Variants in LIPK observed in about 807,000 individuals in gnomAD.
The protein encoded by LIPK is lipase member K.
Under a neutral mutation model 48.6 loss-of-function variants are expected in LIPK, and 32 were observed. The observed-to-expected ratio is 0.66, with a 90% CI of 0.50 to 0.88. LIPK has a LOEUF of 0.88. LIPK is among the 40% of genes least tolerant of loss of function. The pLI, the probability that LIPK is intolerant of heterozygous loss-of-function variation, is 0.00. For synonymous variants in LIPK, 164 were observed against 157.4 expected (o/e 1.04, Z -0.32); for missense variants, 507 against 478.5 (o/e 1.06, Z -0.56).
chr10:88,723,948 C>T (rs539648199), intron 1 of LIPK, among the ~76,000 whole-genome samples: 11 of 152,096 alleles, frequency 7.2e-5, no homozygotes, highest in Admixed American at 3.3e-4. Context: ...GGTCAACAGT[C>T]TCTTACTTTG....
At chr10:88,719,438 T>C (rs1211085710) in intron 1 of LIPK, among the ~76,000 whole-genome samples, 1 of 152,202 alleles carries the variant, frequency 6.6e-6, no homozygotes, top group Non-Finnish European at 1.5e-5. Context: ...CCAGTTTTGC[T>C]CCCTGCAGTT....
At chr10:88,735,212 T>G (rs1223415814) in intron 6 of LIPK, among the ~76,000 whole-genome samples, 1 of 152,218 alleles carries the variant, frequency 6.6e-6, no homozygotes, top group African/African-American at 2.4e-5. Flanking sequence ...GTTCGTCAAG[T>G]TGAGAAATTC....
intron 3 of LIPK, among the ~76,000 whole-genome samples, chr10:88,729,966 T>G (rs1395231588): frequency 6.6e-6 from 1 of 152,220 alleles, no homozygotes; most frequent in Non-Finnish European, 1.5e-5. Flanking sequence ...TTTTCCTTTC[T>G]CTTTTTTAGT....
At chr10:88,726,352 G>A (rs76105159) in intron 2 of LIPK, among the ~76,000 whole-genome samples, 2,063 of 152,240 alleles carry the variant, frequency 0.014, 49 homozygotes, top group African/African-American at 0.045. Context: ...ATTACATGCC[G>A]TCACGGCACA....
chr10:88,710,243 A>C (rs34764044), intron 1 of LIPK, among the ~76,000 whole-genome samples: 8,514 of 152,208 alleles, frequency 0.056, 317 homozygotes, highest in African/African-American at 0.11. Flanking sequence ...TCCCTCTCCA[A>C]GTTGAGAATT....
chr10:88,722,317 C>T (rs903875023), intron 1 of LIPK, among the ~76,000 whole-genome samples: 1 of 152,152 alleles, frequency 6.6e-6, no homozygotes, highest in African/African-American at 2.4e-5. Context: ...GATTAAATAA[C>T]ATATTCATGT....
intron 8 of LIPK, among the ~76,000 whole-genome samples, chr10:88,741,232 C>G (rs1842674987): frequency 6.6e-6 from 1 of 151,658 alleles, no homozygotes. Flanking sequence ...GACAGGGTCT[C>G]AAAAAAAAGC....
intron 9 of LIPK, among the ~76,000 whole-genome samples, chr10:88,750,791 C>G (rs1184459107): frequency 2.0e-5 from 3 of 152,034 alleles, no homozygotes; most frequent in Non-Finnish European, 4.4e-5. Flanking sequence ...CATGTACCCC[C>G]TGAATCTAAA....
chr10:88,737,157 AT>A (rs1411929986), intron 6 of LIPK, among the ~76,000 whole-genome samples: 1 of 152,178 alleles, frequency 6.6e-6, no homozygotes, highest in Non-Finnish European at 1.5e-5. Flanking sequence ...AATTACATTA[AT>A]TTATACTTTA....
chr10:88,733,195 C>T (rs1214179646), intron 6 of LIPK, among the ~76,000 whole-genome samples: 1 of 152,224 alleles, frequency 6.6e-6, no homozygotes. Context: ...TGACACTTTA[C>T]AGGCTGTCAT....
In LIPK at chr10:88,740,006, ATGTTT is replaced by A. The variant is rs1210670944; in HGVS notation, c.828_832del (p.Asp276GlufsTer22). ...GTAATCTCTTTGCAGAGTCGCTTGG[ATGTTT>A]ATTTGTCACACAATCCTGCGGGAAC... On this transcript the variant is annotated frameshift_variant, in exon 8 of 10. Transcript: ENST00000404190. LOFTEE classifies it high-confidence loss of function. 1 of 1,403,224 alleles carries A rather than the reference ATGTTT, an allele frequency of 7.1e-7. No homozygotes were observed. The highest frequency in any genetic ancestry group is 1.4e-5 in the African/African-American group (1 of 69,950). The allele number at this position is 1,403,224 out of a possible 1,614,324, so 86.9% of individuals were successfully genotyped here.
intron 1 of LIPK, among the ~76,000 whole-genome samples, chr10:88,710,929 T>C (rs551329931): frequency 9.2e-5 from 14 of 152,286 alleles, no homozygotes; most frequent in South Asian, 2.1e-4. Context: ...ATCATCAATA[T>C]ATGGAAAGGT....
intron 9 of LIPK, among the ~76,000 whole-genome samples, chr10:88,749,911 A>G (rs1842835705): frequency 6.6e-6 from 1 of 152,210 alleles, no homozygotes; most frequent in South Asian, 2.1e-4. Flanking sequence ...TGCATTTGAC[A>G]AAGATCTAAT....
intron 3 of LIPK, chr10:88,728,864 G>T: frequency 5.6e-6 from 1 of 178,144 alleles, no homozygotes; most frequent in South Asian, 1.2e-4. Flanking sequence ...GAAGAAGATT[G>T]ACCCCTGCAA....
At chr10:88,728,558 A>G in intron 3 of LIPK, 1 of 432,500 alleles carries the variant, frequency 2.3e-6, no homozygotes, top group South Asian at 1.8e-5. Context: ...AGCGGACCAA[A>G]CAGGAGAGGG....
At chr10:88,728,947 C>A in intron 3 of LIPK, 1 of 165,372 alleles carries the variant, frequency 6.0e-6, no homozygotes, top group African/African-American at 2.4e-5. Context: ...TTAGCTTACC[C>A]TTCCTGTGGC....
chr10:88,741,181 A>G (rs1842674054), intron 8 of LIPK, among the ~76,000 whole-genome samples: 1 of 152,136 alleles, frequency 6.6e-6, no homozygotes, highest in African/African-American at 2.4e-5. Context: ...CCCCCACTCT[A>G]CAAATGTCAT....
chr10:88,750,550 C>G (rs1590165063), intron 9 of LIPK, among the ~76,000 whole-genome samples: 1 of 152,116 alleles, frequency 6.6e-6, no homozygotes, highest in Non-Finnish European at 1.5e-5. Context: ...AACACAGGCA[C>G]AGAAAACCAA....
rs372706387 is a variant in LIPK, at chr10:88,732,227, A to G, written c.472A>G (p.Ile158Val). 74 of 1,612,690 alleles carry G rather than the reference A, an allele frequency of 4.6e-5. No homozygotes were observed. The African/African-American group carries it at 6.5e-4, about 14-fold the overall frequency. ...YDLPATINFI[I>V]EKTGQKRLYY... ...CCTTCCAGCCACAATCAATTTTATC[A>G]TAGAGAAAACTGGACAGAAGCGACT... The change falls in exon 5 of 10, where the codon ATA becomes GTA. Residue 158 changes from isoleucine (I) to valine (V), a missense_variant. Coordinates refer to ENST00000404190, the MANE Select transcript of LIPK (RefSeq NM_001080518.2).
Sources: allele counts gnomAD v4.1 joint callset (sites outside exome capture counted in the v4.1 genomes callset), GRCh38; gene constraint gnomAD v4.1.1; transcripts MANE v1.5; gene names NCBI Gene and HGNC (gene_info 2026-07-23, HGNC 2026-07-21).